Variants in DCC observed in about 807,000 individuals in gnomAD.
DCC encodes the protein netrin receptor DCC.
A neutral mutation model predicts 172.5 loss-of-function variants in DCC; 58 were observed. The observed-to-expected ratio is 0.34, with a 90% CI of 0.27 to 0.42. The LOEUF (loss-of-function observed/expected upper bound fraction) is 0.42, where lower values mean the gene tolerates loss of function less well. Ranked by LOEUF, DCC falls within the 10% of genes least tolerant of loss-of-function variation. The pLI, the probability that DCC is intolerant of heterozygous loss-of-function variation, is 1.00. For synonymous variants in DCC, 709 were observed against 644.5 expected (o/e 1.10, Z -1.52); for missense variants, 1,740 against 1,791.0 (o/e 0.97, Z 0.51).
At chr18:52,684,757 A>G (rs200592389) in intron 1 of DCC, among the ~76,000 whole-genome samples, 1 of 149,314 alleles carries the variant, frequency 6.7e-6, no homozygotes, top group Non-Finnish European at 1.5e-5. Context: ...AGAAAAAAAA[A>G]TTAGGAGCAA....
chr18:53,489,803 A>G (rs774033051), intron 26 of DCC, among the ~76,000 whole-genome samples: 35 of 152,194 alleles, frequency 2.3e-4, no homozygotes, highest in Non-Finnish European at 4.9e-4. Context: ...AGTAAATAAT[A>G]TTTATATTTA....
intron 5 of DCC, among the ~76,000 whole-genome samples, chr18:53,039,992 T>C (rs2042147172): frequency 6.6e-6 from 1 of 151,938 alleles, no homozygotes; most frequent in Admixed American, 6.6e-5. Context: ...GCTAAATTAA[T>C]TTAAACTGTA....
intron 1 of DCC, among the ~76,000 whole-genome samples, chr18:52,449,100 G>T (rs1228743985): frequency 6.6e-6 from 1 of 152,136 alleles, no homozygotes; most frequent in African/African-American, 2.4e-5. Flanking sequence ...TACATGGATG[G>T]CAACAGGCAA....
intron 1 of DCC, among the ~76,000 whole-genome samples, chr18:52,537,137 G>A (rs1226340052): frequency 6.6e-6 from 1 of 152,042 alleles, no homozygotes; most frequent in Non-Finnish European, 1.5e-5. Context: ...GTTCTCTCTA[G>A]GTCCTTATCT....
At chr18:53,011,290 C>G (rs1051262295) in intron 5 of DCC, among the ~76,000 whole-genome samples, 1 of 151,452 alleles carries the variant, frequency 6.6e-6, no homozygotes, top group African/African-American at 2.4e-5. Flanking sequence ...GAAAAATAAT[C>G]CTGTTTTTAA....
chr18:52,923,753 T>G lies in DCC; in HGVS notation c.744T>G (p.Asn248Lys), dbSNP rs139558399. Reference protein sequence around the residue: ...RQLYFLQRPSNVVAIEGKDAV... With the variant: ...RQLYFLQRPSKVVAIEGKDAV... The stretch of plus-strand genomic sequence containing the variant: ...TGTATTTTCTGCAAAGACCATCCAA[T>G]GTAGTAGCCATTGAAGGAAAAGATG... The change falls in exon 4 of 29, where the codon AAT becomes AAG. Residue 248 changes from asparagine to lysine, a missense_variant. By Grantham distance (94) the Asn-to-Lys change is moderately conservative. Transcript: ENST00000442544. 51 of 1,611,676 alleles carry G rather than the reference T, an allele frequency of 3.2e-5. 1 individual carries two copies. Among genetic ancestry groups the G allele is most frequent in the Middle Eastern group, 1.6e-4 (1 of 6,080 alleles).
At chr18:53,167,370 A>G (rs1268957433) in intron 8 of DCC, among the ~76,000 whole-genome samples, 1 of 152,166 alleles carries the variant, frequency 6.6e-6, no homozygotes, top group African/African-American at 2.4e-5. Context: ...GAGATTTTCT[A>G]TTTTTTATTC....
chr18:52,674,744 C>T (rs1400157748), intron 1 of DCC, among the ~76,000 whole-genome samples: 1 of 152,170 alleles, frequency 6.6e-6, no homozygotes, highest in Non-Finnish European at 1.5e-5. Context: ...CATGTTGAAG[C>T]AAAGTGTAAA....
chr18:52,492,587 G>C (rs1430473347), intron 1 of DCC, among the ~76,000 whole-genome samples: 1 of 151,888 alleles, frequency 6.6e-6, no homozygotes, highest in African/African-American at 2.4e-5. Context: ...TTGCTGAAGT[G>C]TGAAAGGAAC....
At chr18:52,816,067 A>G (rs568997194) in intron 2 of DCC, among the ~76,000 whole-genome samples, 1 of 152,334 alleles carries the variant, frequency 6.6e-6, no homozygotes, top group African/African-American at 2.4e-5. Context: ...AGCACCTCAC[A>G]TGTATCTGTT....
At chr18:52,585,989 A>C (rs531705148) in intron 1 of DCC, among the ~76,000 whole-genome samples, 133 of 147,158 alleles carry the variant, frequency 9.0e-4, no homozygotes, top group African/African-American at 3.1e-3. Flanking sequence ...AGGCTGAGGC[A>C]GGAGAATGGC....
chr18:53,148,652 C>T lies in DCC; in HGVS notation c.1262-8704C>T, dbSNP rs117368007. 5.7e-3 allele frequency among the ~76,000 whole-genome samples: 861 copies of T among 151,898 alleles called. 6 individuals carry two copies. Among genetic ancestry groups the T allele is most frequent in the Admixed American group, 0.023 (353 of 15,268 alleles). On this transcript the variant is annotated intron_variant, in intron 7 of 28. Coordinates refer to ENST00000442544, the MANE Select transcript of DCC (RefSeq NM_005215.4). ...AGAAAATACAAAGAGAAAAAAGAGA[C>T]CTGAAATGAAATAAAGTCTTATAGG...
chr18:52,936,820 T>C (rs1005521732), intron 5 of DCC, among the ~76,000 whole-genome samples: 2 of 152,158 alleles, frequency 1.3e-5, no homozygotes, highest in African/African-American at 4.8e-5. Flanking sequence ...TAGACAGAAA[T>C]GTTTTAAACA....
intron 8 of DCC, among the ~76,000 whole-genome samples, chr18:53,167,517 G>C (rs1305589955): frequency 6.6e-6 from 1 of 152,158 alleles, no homozygotes; most frequent in Non-Finnish European, 1.5e-5. Flanking sequence ...ACAAGGAATA[G>C]AATCCAATTT....
intron 2 of DCC, among the ~76,000 whole-genome samples, chr18:52,847,373 ATTTTCAGG>A (rs982014737): frequency 5.9e-5 from 9 of 152,300 alleles, no homozygotes; most frequent in African/African-American, 1.9e-4. Context: ...TGGTTGCTGG[ATTTTCAGG>A]TGGCTCATGG....
chr18:53,517,928 C>G (rs1157586317), intron 27 of DCC, among the ~76,000 whole-genome samples: 1 of 152,102 alleles, frequency 6.6e-6, no homozygotes, highest in South Asian at 2.1e-4. Flanking sequence ...CGGCTACTCT[C>G]TTTTTGTTCA....
At position 53,307,903 on chromosome 18, in the gene DCC, A is replaced by G. The variant is rs1452251005; in HGVS notation, c.2053+2184A>G. 1.0e-2 allele frequency among the ~76,000 whole-genome samples: 26 copies of G among 2,608 alleles called. 1 individual carries two copies. The highest frequency in any genetic ancestry group is 0.042 in the East Asian group (3 of 72). The allele number at this position is 2,608 out of a possible 152,430, so 1.7% of individuals were successfully genotyped here. A position where few individuals can be genotyped will look rare whatever the true frequency, so the allele number is the denominator to read the frequency against. On this transcript the variant is annotated intron_variant, in intron 13 of 28. Transcript: ENST00000442544. The stretch of plus-strand genomic sequence containing the variant: ...GAAAGCAATGTGTGTGTATGTATAT[A>G]TATATATATATATATATATATATAT...
At chr18:52,573,672 G>T (rs1354061844) in intron 1 of DCC, among the ~76,000 whole-genome samples, 2 of 152,068 alleles carry the variant, frequency 1.3e-5, no homozygotes, top group African/African-American at 4.8e-5. Flanking sequence ...GGTTGACCTA[G>T]CCCACTGACT....
chr18:52,363,824 C>T (rs552631834), intron 1 of DCC, among the ~76,000 whole-genome samples: 1 of 152,282 alleles, frequency 6.6e-6, no homozygotes, highest in South Asian at 2.1e-4. Flanking sequence ...AGTGACTATG[C>T]CAATCAGCTC....
Sources: allele counts gnomAD v4.1 joint callset (sites outside exome capture counted in the v4.1 genomes callset), GRCh38; gene constraint gnomAD v4.1.1; transcripts MANE v1.5; gene names NCBI Gene and HGNC (gene_info 2026-07-23, HGNC 2026-07-21).